ITGA4: variants seen among roughly 807,000 people sequenced by gnomAD.
The protein encoded by ITGA4 is integrin subunit alpha 4, also known as integrin alpha-4.
A neutral mutation model predicts 133.6 loss-of-function variants in ITGA4; 63 were observed. The ratio of observed to expected loss-of-function variants is 0.47; its 90% confidence interval spans 0.38 to 0.58. The LOEUF is 0.58. Among genes scored for constraint, ITGA4 ranks in the 20% least tolerant of loss-of-function variants. The probability of loss-of-function intolerance (pLI) is 0.00; values close to 1 mark genes in which losing one functional copy is unlikely to be tolerated. For synonymous variants in ITGA4, 483 were observed against 438.0 expected, an observed-to-expected ratio of 1.10 and a Z score of -1.28; for missense variants, 1,076 against 1,252.7, an observed-to-expected ratio of 0.86 and a Z score of 2.13.
At chr2:181,472,459 C>T (rs543296529) in intron 2 of ITGA4, among the ~76,000 whole-genome samples, 42 of 152,252 alleles carry the variant, frequency 2.8e-4, no homozygotes, top group African/African-American at 9.6e-4. Context: ...CCCATCCTCT[C>T]CTGTCCTTAA....
chr2:181,493,919 T>C (rs1249261324), intron 11 of ITGA4, among the ~76,000 whole-genome samples: 2 of 62,354 alleles, frequency 3.2e-5, no homozygotes, highest in Non-Finnish European at 7.8e-5. Context: ...AATCATGGCA[T>C]TTCAGTGCCT....
At chr2:181,465,986 C>T (rs547808358) in intron 2 of ITGA4, among the ~76,000 whole-genome samples, 8 of 152,190 alleles carry the variant, frequency 5.3e-5, no homozygotes, top group African/African-American at 1.9e-4. Flanking sequence ...AGTAAGCATG[C>T]AATAAGTATT....
chr2:181,473,598 A>C (rs946117869), intron 2 of ITGA4, among the ~76,000 whole-genome samples: 7 of 152,232 alleles, frequency 4.6e-5, no homozygotes, highest in Non-Finnish European at 8.8e-5. Context: ...ACGAAAGTAT[A>C]AACAAACATC....
intron 21 of ITGA4, among the ~76,000 whole-genome samples, chr2:181,526,113 T>G (rs563614721): frequency 6.6e-6 from 1 of 152,232 alleles, no homozygotes; most frequent in African/African-American, 2.4e-5. Context: ...TGGAATTGAG[T>G]ATCAAGTTTG....
In ITGA4 at chr2:181,536,855, G is replaced by C. The variant is rs1462314576; in HGVS notation, c.*1328G>C. 1 of 429,638 alleles carries C rather than the reference G, an allele frequency of 2.3e-6. No individual in the cohort carries two copies. Among genetic ancestry groups the C allele is most frequent in the Non-Finnish European group, 4.6e-6 (1 of 215,264 alleles). The allele number at this position is 429,638 out of a possible 1,614,324, so 26.6% of individuals were successfully genotyped here. ...CTGACTCTGCCTTCATAAGAGAGCT[G>C]TGGCCGAATTTTGAACATCTGTTAT... On this transcript the variant is annotated 3_prime_UTR_variant, in exon 28 of 28. Coordinates refer to ENST00000397033, the MANE Select transcript of ITGA4 (RefSeq NM_000885.6).
intron 20 of ITGA4, among the ~76,000 whole-genome samples, chr2:181,524,534 T>C (rs1686794053): frequency 6.6e-6 from 1 of 152,144 alleles, no homozygotes; most frequent in African/African-American, 2.4e-5. Flanking sequence ...AGTTTACAAG[T>C]AATAACTCTA....
At chr2:181,489,611 T>C (rs1277396259) in intron 10 of ITGA4, among the ~76,000 whole-genome samples, 2 of 152,244 alleles carry the variant, frequency 1.3e-5, no homozygotes, top group African/African-American at 4.8e-5. Context: ...TATTATTTTG[T>C]GTGCACCTGA....
rs761183593 is a variant in ITGA4 at position 181,495,928 on chromosome 2, G to A, written c.1531G>A (p.Gly511Ser). The A allele has an allele frequency of 2.0e-5, 32 of 1,613,614 alleles. No homozygotes were observed. The highest frequency in any genetic ancestry group is 8.0e-5 in the African/African-American group (6 of 74,888). ...CFSYKGKEVP[G>S]YIVLFYNMSL... is the part of the protein sequence containing the mutation. ...CTCATATAAGGGCAAGGAAGTTCCAGGTTACATTGGTGGGTATGCCCTACA... is the reference window on the plus strand; with the variant it reads ...CTCATATAAGGGCAAGGAAGTTCCAAGTTACATTGGTGGGTATGCCCTACA... The change falls in exon 14 of 28, where the codon GGT becomes AGT. Residue 511 changes from glycine to serine, a missense_variant. By Grantham distance (56) the Gly-to-Ser change is moderately conservative. This residue lies in a region of ITGA4 where 436 missense variants were observed against 590.7 expected (regional missense o/e 0.74). Coordinates refer to ENST00000397033, the MANE Select transcript of ITGA4 (RefSeq NM_000885.6). The surrounding 1 kb of genome is among the most constrained non-coding windows in gnomAD (Gnocchi z 4.3).
chr2:181,526,774 A>AATATCGG (rs1686836936), intron 21 of ITGA4, among the ~76,000 whole-genome samples: 1 of 145,132 alleles, frequency 6.9e-6, no homozygotes, highest in African/African-American at 2.5e-5. Context: ...GCAAGAAAAG[A>AATATCGG]ATATCGGTGA....
At chr2:181,462,984 A>T (rs371134053) in intron 2 of ITGA4, among the ~76,000 whole-genome samples, 2 of 152,298 alleles carry the variant, frequency 1.3e-5, no homozygotes, top group African/African-American at 4.8e-5. Flanking sequence ...TTTAAAGTTT[A>T]TAAGATAGGT....
At chr2:181,480,015 A>G in intron 5 of ITGA4, 122 bp from the exon 6 acceptor site, 1 of 602,478 alleles carries the variant, frequency 1.7e-6, no homozygotes, top group South Asian at 4.9e-5. Context: ...AACTTCACAG[A>G]ATATTCCTAC....
Position 181,495,340 on chromosome 2 carries a change from T to C in ITGA4, c.1340-31T>C. On this transcript the variant is annotated intron_variant, in intron 12 of 27. Coordinates refer to ENST00000397033, the MANE Select transcript of ITGA4 (RefSeq NM_000885.6). This position sits in a 1 kb window ranked among gnomAD's most constrained non-coding sequence, Gnocchi z 4.3. ...AATAATTCTCTTTGACTAATGATGA[T>C]CATTAATCTGTGTTGTTTTTTATCC... The C allele has an allele frequency of 6.4e-7, 1 of 1,559,322 alleles. No individual in the cohort carries two copies. Among genetic ancestry groups the C allele is most frequent in the East Asian group, 2.2e-5 (1 of 44,556 alleles).
chr2:181,527,098 A>G (rs1446226759), intron 21 of ITGA4, among the ~76,000 whole-genome samples, 199 bp from the exon 22 acceptor site: 1 of 151,670 alleles, frequency 6.6e-6, no homozygotes, highest in Non-Finnish European at 1.5e-5. Context: ...GGCCTCCCAA[A>G]TTGCTGGGAT....
chr2:181,484,197 G>A (rs1400845139), intron 9 of ITGA4, among the ~76,000 whole-genome samples: 2 of 152,148 alleles, frequency 1.3e-5, no homozygotes, highest in Non-Finnish European at 2.9e-5. Flanking sequence ...CTTGTTTACC[G>A]TGGTTTCATC....
At chr2:181,480,304 TTACAAA>T in intron 6 of ITGA4, 38 bp downstream of exon 6, 1 of 1,118,536 alleles carries the variant, frequency 8.9e-7, no homozygotes, top group Non-Finnish European at 1.2e-6. Context: ...GATCTGTGCC[TTACAAA>T]TACTAGTACT....
chr2:181,524,279 A>G, intron 20 of ITGA4, 29 bp downstream of exon 20: 1 of 1,252,666 alleles, frequency 8.0e-7, no homozygotes. Flanking sequence ...AAAATGAACT[A>G]GAAATATACC....
At chr2:181,470,227 G>A (rs935220251) in intron 2 of ITGA4, among the ~76,000 whole-genome samples, 1 of 151,620 alleles carries the variant, frequency 6.6e-6, no homozygotes, top group South Asian at 2.1e-4. Context: ...CTCACTGAAG[G>A]TATATATCCA....
At chr2:181,524,516 G>C (rs751289226) in intron 20 of ITGA4, among the ~76,000 whole-genome samples, 2 of 152,100 alleles carry the variant, frequency 1.3e-5, no homozygotes, top group South Asian at 4.1e-4. Flanking sequence ...ATCAAAAACA[G>C]AATAAACAGT....
At position 181,534,910 on chromosome 2, in the gene ITGA4, T is replaced by C; in HGVS notation, c.2978T>C (p.Leu993Pro). The C allele has an allele frequency of 1.9e-6, 3 of 1,587,094 alleles. No homozygotes were observed. The highest frequency in any genetic ancestry group is 2.6e-6 in the Non-Finnish European group (3 of 1,171,364). The part of the protein sequence containing the change: ...SSLLLGLIVL[L>P]LISYVMWKAG... ...TTGCTACTTGGACTTATTGTACTTCTATTGATCTCATATGTTATGTGGAAG... is the reference window on the plus strand; with the variant it reads ...TTGCTACTTGGACTTATTGTACTTCCATTGATCTCATATGTTATGTGGAAG... The change falls in exon 27 of 28, where the codon CTA becomes CCA. Residue 993 changes from leucine to proline, a missense_variant. By Grantham distance (98) the Leu-to-Pro change is moderately conservative. Transcript: ENST00000397033.
Sources: gnomAD v4.1 joint callset for allele counts (sites outside exome capture counted in the v4.1 genomes callset) on GRCh38, gnomAD v4.1.1 for gene constraint, gnomAD v4.1.1 regional missense constraint, Gnocchi (gnomAD v3.1) non-coding constraint, MANE v1.5 for transcripts, NCBI Gene and HGNC (gene_info 2026-07-23, HGNC 2026-07-21) for gene names.